UTRN: variants seen among roughly 807,000 people sequenced by gnomAD.
The protein encoded by UTRN is utrophin, also known as dystrophin-related protein 1.
A neutral mutation model predicts 463.9 loss-of-function variants in UTRN; 283 were observed. That is an observed-to-expected ratio of 0.61 (90% CI 0.55 to 0.67). The LOEUF (loss-of-function observed/expected upper bound fraction) is 0.67. UTRN is among the 30% of genes least tolerant of loss of function. The pLI, the probability that UTRN is intolerant of heterozygous loss-of-function variation, is 0.00. For synonymous variants in UTRN, 1,442 were observed against 1,431.5 expected, an observed-to-expected ratio of 1.01 and a Z score of -0.17; for missense variants, 3,922 against 4,084.3, an observed-to-expected ratio of 0.96 and a Z score of 1.08.
Position 144,337,487 on chromosome 6 carries a change from G to A in UTRN, c.79+45580G>A, listed in dbSNP as rs111460874. ...CTTTTTAATTCATCATTCCAAGTAG[G>A]TGTCTTTGTCTGTTTCCACATTAGA... On this transcript the variant is annotated intron_variant, in intron 2 of 74. Transcript: ENST00000367545. Among the ~76,000 whole-genome samples the A allele has an allele frequency of 6.4e-4, 97 of 152,198 alleles. 1 individual carries two copies. The highest frequency in any genetic ancestry group is 2.2e-3 in the African/African-American group (91 of 41,510).
At chr6:144,615,754 T>C (rs1806016451) in intron 51 of UTRN, among the ~76,000 whole-genome samples, 1 of 151,720 alleles carries the variant, frequency 6.6e-6, no homozygotes, top group Admixed American at 6.6e-5. Flanking sequence ...TTGTTTTTGC[T>C]TCTAGTATTT....
chr6:144,514,112 C>T, intron 36 of UTRN, 75 bp downstream of exon 36: 1 of 1,573,720 alleles, frequency 6.4e-7, no homozygotes, highest in Non-Finnish European at 8.7e-7. Context: ...CTGGAATGCT[C>T]TAAGTTACTT....
At chr6:144,381,435 A>T (rs907511069) in intron 2 of UTRN, among the ~76,000 whole-genome samples, 1 of 152,190 alleles carries the variant, frequency 6.6e-6, no homozygotes, top group Non-Finnish European at 1.5e-5. Flanking sequence ...ATGGGCATTT[A>T]GGTTGATTCA....
intron 51 of UTRN, among the ~76,000 whole-genome samples, chr6:144,609,384 A>C (rs533641511): frequency 6.6e-6 from 1 of 152,360 alleles, no homozygotes; most frequent in South Asian, 2.1e-4. Context: ...ATTAATTCAC[A>C]GACATAATTG....
chr6:144,627,411 G>A (rs1374879863), intron 51 of UTRN, among the ~76,000 whole-genome samples: 1 of 151,730 alleles, frequency 6.6e-6, no homozygotes, highest in Non-Finnish European at 1.5e-5. Flanking sequence ...TGAATTCATT[G>A]CTCTATTTTG....
At chr6:144,526,631 A>T (rs774519244) in intron 41 of UTRN, among the ~76,000 whole-genome samples, 18 of 151,548 alleles carry the variant, frequency 1.2e-4, no homozygotes, top group Non-Finnish European at 2.4e-4. Context: ...ATTTTTATCC[A>T]TTCTTCTATT....
intron 60 of UTRN, among the ~76,000 whole-genome samples, chr6:144,774,702 G>T (rs1370675637): frequency 9.2e-5 from 14 of 152,124 alleles, no homozygotes; most frequent in Admixed American, 9.2e-4. Flanking sequence ...TTGCCCATTT[G>T]GCAATGTAGA....
rs1015460111 is a variant in UTRN, at chr6:144,700,083, A to G, written c.7653-4A>G. On this transcript the variant is annotated splice_region_variant and splice_polypyrimidine_tract_variant and intron_variant, in intron 52 of 74. Coordinates refer to ENST00000367545, the MANE Select transcript of UTRN (RefSeq NM_007124.3). ...TTATTATTATTATTATTATCTCTCAACAGGGCCCATTTGGAGGCCAGCGCT... is the reference window on the plus strand; with the variant it reads ...TTATTATTATTATTATTATCTCTCAGCAGGGCCCATTTGGAGGCCAGCGCT... 4 of 1,588,504 alleles carry G rather than the reference A, an allele frequency of 2.5e-6. No individual in the cohort carries two copies. Among genetic ancestry groups the G allele is most frequent in the Admixed American group, 1.7e-5 (1 of 59,112 alleles).
chr6:144,335,852 T>C (rs1776676388), intron 2 of UTRN, among the ~76,000 whole-genome samples: 1 of 152,192 alleles, frequency 6.6e-6, no homozygotes, highest in Non-Finnish European at 1.5e-5. Context: ...CTCTGGTCAG[T>C]TCCTCAGCAT....
At chr6:144,483,290 GTCT>G (rs1792079706) in intron 27 of UTRN, among the ~76,000 whole-genome samples, 1 of 152,146 alleles carries the variant, frequency 6.6e-6, no homozygotes, top group Admixed American at 6.5e-5. Flanking sequence ...CTTGGAAGTG[GTCT>G]TCTTTGAGTC....
At chr6:144,470,027 A>G (rs1407902068) in intron 23 of UTRN, among the ~76,000 whole-genome samples, 1 of 152,206 alleles carries the variant, frequency 6.6e-6, no homozygotes, top group Non-Finnish European at 1.5e-5. Flanking sequence ...GGGCAAGGTT[A>G]TAGACCAACA....
chr6:144,675,156 A>G (rs1362373915), intron 51 of UTRN, among the ~76,000 whole-genome samples: 3 of 152,062 alleles, frequency 2.0e-5, no homozygotes, highest in Admixed American at 2.0e-4. Flanking sequence ...TGATCACTTG[A>G]TGTAGTGGTC....
chr6:144,463,635 C>T (rs1460685581), intron 23 of UTRN, among the ~76,000 whole-genome samples: 4 of 149,982 alleles, frequency 2.7e-5, no homozygotes, highest in African/African-American at 4.9e-5. Context: ...TTTTTTTCCC[C>T]ATCAGTCAGG....
At chr6:144,469,333 T>C (rs1262778305) in intron 23 of UTRN, among the ~76,000 whole-genome samples, 1 of 152,148 alleles carries the variant, frequency 6.6e-6, no homozygotes, top group Non-Finnish European at 1.5e-5. Context: ...AATAAAGCAG[T>C]TGGTTTTGTA....
At chr6:144,720,927 T>C (rs1250552601) in intron 53 of UTRN, among the ~76,000 whole-genome samples, 1 of 152,236 alleles carries the variant, frequency 6.6e-6, no homozygotes, top group East Asian at 1.9e-4. Flanking sequence ...ATTGAGTTTA[T>C]AGCTGATTTT....
chr6:144,733,486 T>C, intron 54 of UTRN, among the ~76,000 whole-genome samples: 1 of 140,378 alleles, frequency 7.1e-6, no homozygotes, highest in African/African-American at 2.7e-5. Context: ...CCCAGCCTGG[T>C]GACAGAGTGA....
At chr6:144,848,171 A>G (rs1272490233) in intron 74 of UTRN, among the ~76,000 whole-genome samples, 1 of 152,122 alleles carries the variant, frequency 6.6e-6, no homozygotes, top group Non-Finnish European at 1.5e-5. Flanking sequence ...CAGAAGTGCG[A>G]GGAGAGACTG....
intron 65 of UTRN, among the ~76,000 whole-genome samples, chr6:144,809,964 A>G (rs1349516015): frequency 2.0e-5 from 3 of 152,174 alleles, no homozygotes; most frequent in African/African-American, 7.2e-5. Flanking sequence ...CATCAGGAAG[A>G]GAAGACCCAA....
intron 51 of UTRN, among the ~76,000 whole-genome samples, chr6:144,639,137 A>G (rs1019695054): frequency 5.3e-5 from 8 of 152,324 alleles, no homozygotes; most frequent in Non-Finnish European, 8.8e-5. Context: ...CAGTGACAAC[A>G]GCATGGGCAT....
Sources: gnomAD v4.1 joint callset for allele counts (sites outside exome capture counted in the v4.1 genomes callset) on GRCh38, gnomAD v4.1.1 for gene constraint, MANE v1.5 for transcripts, NCBI Gene and HGNC (gene_info 2026-07-23, HGNC 2026-07-21) for gene names.